The following MARCHF1 variants were observed in gnomAD, a reference collection of about 807,000 sequenced individuals.
The protein encoded by MARCHF1 is E3 ubiquitin-protein ligase MARCHF1.
A neutral mutation model predicts 54.2 loss-of-function variants in MARCHF1; 40 were observed. That is an observed-to-expected ratio of 0.74 (90% CI 0.57 to 0.96). The LOEUF (loss-of-function observed/expected upper bound fraction) is 0.96. Among genes scored for constraint, MARCHF1 ranks in the 40% least tolerant of loss-of-function variants. The probability of loss-of-function intolerance (pLI) is 0.00; values close to 1 mark genes in which losing one functional copy is unlikely to be tolerated. For synonymous variants in MARCHF1, 236 were observed against 236.3 expected, an observed-to-expected ratio of 1.00 and a Z score of 0.01; for missense variants, 586 against 656.5, an observed-to-expected ratio of 0.89 and a Z score of 1.17.
At chr4:163,973,059 A>G (rs1206821519) in intron 3 of MARCHF1, among the ~76,000 whole-genome samples, 2 of 152,220 alleles carry the variant, frequency 1.3e-5, no homozygotes, top group African/African-American at 2.4e-5. Context: ...TTCAAAAAAC[A>G]TAGTGTTGCA....
chr4:164,232,009 C>T lies in MARCHF1; in HGVS notation c.-322-120347G>A, dbSNP rs546299812. ...ATAAAATGTTTAATAGGGTGACTGA[C>T]CAGTAAGAAATTTACAATTAAGCCA... On this transcript the variant is annotated intron_variant, in intron 1 of 9. Coordinates refer to ENST00000514618, the MANE Select transcript of MARCHF1 (RefSeq NM_001394959.1). 3.9e-5 allele frequency among the ~76,000 whole-genome samples: 6 copies of T among 152,114 alleles called. 1 individual carries two copies. The South Asian group carries it at 1.2e-3, about 32-fold the overall frequency.
intron 1 of MARCHF1, among the ~76,000 whole-genome samples, chr4:164,319,453 T>C (rs1302513963): frequency 6.6e-6 from 1 of 152,140 alleles, no homozygotes; most frequent in Non-Finnish European, 1.5e-5. Flanking sequence ...AATGTTGCCT[T>C]TACCTGACTA....
intron 1 of MARCHF1, chr4:164,189,309 C>A: frequency 1.7e-6 from 1 of 597,870 alleles, no homozygotes; most frequent in South Asian, 2.1e-5. Flanking sequence ...AAATTGAGTC[C>A]TTCTATGAAG....
intron 5 of MARCHF1, among the ~76,000 whole-genome samples, chr4:163,664,820 G>C (rs1368942386): frequency 6.6e-6 from 1 of 151,792 alleles, no homozygotes; most frequent in Non-Finnish European, 1.5e-5. Flanking sequence ...TATCAGCAGG[G>C]TCAATATATT....
intron 2 of MARCHF1, among the ~76,000 whole-genome samples, chr4:164,052,042 C>A (rs1261653336): frequency 6.6e-6 from 1 of 151,754 alleles, no homozygotes; most frequent in African/African-American, 2.4e-5. Flanking sequence ...CAGCAAAAGT[C>A]AAACAATAAT....
intron 2 of MARCHF1, among the ~76,000 whole-genome samples, chr4:164,028,999 T>C (rs1753824390): frequency 6.6e-6 from 1 of 152,216 alleles, no homozygotes; most frequent in Admixed American, 6.5e-5. Context: ...TGCTTAAATA[T>C]GATACTTGAG....
Position 163,794,505 on chromosome 4 carries a change from A to T in MARCHF1, c.111+59516T>A, listed in dbSNP as rs923432963. 3.3e-5 allele frequency among the ~76,000 whole-genome samples: 5 copies of T among 152,362 alleles called. No homozygotes were observed. In the East Asian group the frequency reaches 9.6e-4, roughly 29 times the overall value. ...TAGGACAGTAATTCTCTAAAAACTTACAAATACAGAAGCACACATACATGA... is the reference window on the plus strand; with the variant it reads ...TAGGACAGTAATTCTCTAAAAACTTTCAAATACAGAAGCACACATACATGA... On this transcript the variant is annotated intron_variant, in intron 4 of 9. Transcript: ENST00000514618.
intron 1 of MARCHF1, among the ~76,000 whole-genome samples, chr4:164,350,820 AT>A: frequency 6.6e-6 from 1 of 152,078 alleles, no homozygotes; most frequent in African/African-American, 2.4e-5. Context: ...GACGCAGAAG[AT>A]GGGTGATTTC....
chr4:163,572,243 T>C (rs1739862920), intron 8 of MARCHF1, among the ~76,000 whole-genome samples: 3 of 152,024 alleles, frequency 2.0e-5, no homozygotes, highest in Non-Finnish European at 1.5e-5. Flanking sequence ...ACTGTAGATA[T>C]GAAGGATTTT....
At chr4:164,160,820 A>G (rs1457944918) in intron 1 of MARCHF1, among the ~76,000 whole-genome samples, 1 of 152,214 alleles carries the variant, frequency 6.6e-6, no homozygotes, top group Non-Finnish European at 1.5e-5. Flanking sequence ...AAAAAATTTT[A>G]AAGATCAGAA....
rs937909127 is a variant in MARCHF1, at chr4:163,872,987, T to C, written c.-38-18818A>G. Among the ~76,000 whole-genome samples the C allele has an allele frequency of 4.9e-4, 74 of 151,660 alleles. 1 individual carries two copies. In the Middle Eastern group the frequency reaches 0.017, roughly 35 times the overall value. ...TGAACCCTGGAGGCGGAGCTTGCAG[T>C]GAGCCGAGATCGCGCCACTGCACTC... On this transcript the variant is annotated intron_variant, in intron 3 of 9. Transcript: ENST00000514618.
At chr4:164,352,553 G>T (rs1458799485) in intron 1 of MARCHF1, among the ~76,000 whole-genome samples, 16 of 145,672 alleles carry the variant, frequency 1.1e-4, no homozygotes, top group Non-Finnish European at 2.1e-4. Context: ...TTACAGACAA[G>T]CAAATGCTGA....
intron 1 of MARCHF1, among the ~76,000 whole-genome samples, chr4:164,356,574 C>A (rs1228455082): frequency 7.4e-6 from 1 of 134,678 alleles, no homozygotes; most frequent in Non-Finnish European, 1.6e-5. Context: ...AATGAGATCA[C>A]ATGGACACAT....
At chr4:163,687,870 A>C (rs1744317774) in intron 5 of MARCHF1, among the ~76,000 whole-genome samples, 2 of 152,224 alleles carry the variant, frequency 1.3e-5, no homozygotes, top group African/African-American at 4.8e-5. Context: ...CTTTGGCTGT[A>C]AATTTTAATG....
chr4:164,235,057 C>G (rs966315484), intron 1 of MARCHF1: 3 of 152,082 alleles, frequency 2.0e-5, no homozygotes, highest in African/African-American at 4.8e-5. Context: ...CTTTACATCT[C>G]TTTCTCCTCA....
chr4:164,226,130 C>T (rs1732246172), intron 1 of MARCHF1, among the ~76,000 whole-genome samples: 1 of 151,862 alleles, frequency 6.6e-6, no homozygotes, highest in Non-Finnish European at 1.5e-5. Flanking sequence ...TGTTCTCAAT[C>T]ACCAAAAAGT....
At chr4:164,245,417 T>A (rs1286358032) in intron 1 of MARCHF1, among the ~76,000 whole-genome samples, 1 of 152,204 alleles carries the variant, frequency 6.6e-6, no homozygotes, top group Admixed American at 6.5e-5. Flanking sequence ...TGCTAAAAAC[T>A]CTCAATAAAT....
At chr4:163,573,725 G>GTA in intron 8 of MARCHF1, among the ~76,000 whole-genome samples, 1 of 151,606 alleles carries the variant, frequency 6.6e-6, no homozygotes, top group South Asian at 2.1e-4. Flanking sequence ...TTGGACATTT[G>GTA]GGTTGGTCCC....
chr4:163,944,224 C>T (rs191278217), intron 3 of MARCHF1, among the ~76,000 whole-genome samples: 2 of 151,476 alleles, frequency 1.3e-5, no homozygotes, highest in East Asian at 3.9e-4. Context: ...CCTCGTGATC[C>T]ACCCGCCTCA....
Sources: gnomAD v4.1 joint callset for allele counts (sites outside exome capture counted in the v4.1 genomes callset) on GRCh38, gnomAD v4.1.1 for gene constraint, MANE v1.5 for transcripts, NCBI Gene and HGNC (gene_info 2026-07-23, HGNC 2026-07-21) for gene names.